The following DNAH11 variants were observed in gnomAD, a reference collection of about 807,000 sequenced individuals.
DNAH11 encodes dynein axonemal heavy chain 11.
Under a neutral mutation model 526.0 loss-of-function variants are expected in DNAH11, and 442 were observed. The ratio of observed to expected loss-of-function variants is 0.84; its 90% CI spans 0.78 to 0.91. The LOEUF is 0.91. DNAH11 is among the 40% of genes least tolerant of loss of function. DNAH11 has a pLI of 0.00. For synonymous variants in DNAH11, 2,461 were observed against 1,935.9 expected (o/e 1.27, Z -7.12); for missense variants, 6,989 against 5,448.7 (o/e 1.28, Z -8.90).
At chr7:21,770,102 T>C (rs1411970275) in intron 55 of DNAH11, among the ~76,000 whole-genome samples, 1 of 152,244 alleles carries the variant, frequency 6.6e-6, no homozygotes, top group Non-Finnish European at 1.5e-5. Context: ...GCAGTAATCT[T>C]ACTGCAACTG....
Position 21,704,435 on chromosome 7 carries a change from T to C in DNAH11, c.6275T>C (p.Val2092Ala). 3 of 1,611,652 alleles carry C rather than the reference T, an allele frequency of 1.9e-6. No individual in the cohort carries two copies. The highest frequency in any genetic ancestry group is 1.7e-4 in the Middle Eastern group (1 of 6,054). Residue 2092 changes from valine (V) to alanine (A), a missense_variant and splice_region_variant, in exon 38 of 82, where the codon GTA becomes GCA. By Grantham distance (64) the Val-to-Ala change is moderately conservative. Coordinates refer to ENST00000409508, the MANE Select transcript of DNAH11 (RefSeq NM_001277115.2). ...TTTATAAAATGTTTTTTTTTCTAGG[T>C]ACTCATGAGAGCATTAAGGGATTTC... is the stretch of plus-strand genomic sequence containing the variant. ...RGDKNRPEDQ[V>A]LMRALRDFNM... is the part of the protein sequence containing the mutation.
chr7:21,876,428 A>G (rs1427475324), intron 74 of DNAH11, among the ~76,000 whole-genome samples: 2 of 152,270 alleles, frequency 1.3e-5, no homozygotes, highest in African/African-American at 2.4e-5. Flanking sequence ...ATCAGATTAT[A>G]TAATTCAAGG....
intron 20 of DNAH11, among the ~76,000 whole-genome samples, chr7:21,609,408 C>T (rs1164478880): frequency 6.6e-6 from 1 of 152,048 alleles, no homozygotes; most frequent in Non-Finnish European, 1.5e-5. Flanking sequence ...TTAGTAGAGA[C>T]AGGGTTTCGC....
chr7:21,778,808 T>C (rs1787798614), intron 56 of DNAH11, 150 bp from the exon 57 acceptor site: 3 of 819,406 alleles, frequency 3.7e-6, no homozygotes, highest in Non-Finnish European at 5.4e-6. Flanking sequence ...GGCTGCATTT[T>C]TGCAAATCAG....
At chr7:21,770,767 A>G (rs1049664110) in intron 55 of DNAH11, among the ~76,000 whole-genome samples, 15 of 152,326 alleles carry the variant, frequency 9.8e-5, no homozygotes, top group Middle Eastern at 3.4e-3. Flanking sequence ...ACAGGAGGGT[A>G]TGCAGTATCT....
At chr7:21,813,125 C>G (rs1213052979) in intron 63 of DNAH11, among the ~76,000 whole-genome samples, 1 of 152,076 alleles carries the variant, frequency 6.6e-6, no homozygotes, top group Admixed American at 6.5e-5. Context: ...CATACATGGC[C>G]TTGAGGGTTC....
At chr7:21,694,700 C>T (rs1420462760) in intron 35 of DNAH11, among the ~76,000 whole-genome samples, 4 of 152,026 alleles carry the variant, frequency 2.6e-5, no homozygotes, top group African/African-American at 7.3e-5. Context: ...TTTATAATCC[C>T]TTGGATATAT....
intron 76 of DNAH11, among the ~76,000 whole-genome samples, chr7:21,891,757 C>A (rs1049748922): frequency 6.6e-6 from 1 of 152,048 alleles, no homozygotes; most frequent in African/African-American, 2.4e-5. Flanking sequence ...GTCTGTGGAT[C>A]CTAAACAACA....
chr7:21,548,870 A>G (rs1227248754), intron 2 of DNAH11, among the ~76,000 whole-genome samples: 1 of 151,764 alleles, frequency 6.6e-6, no homozygotes, highest in African/African-American at 2.4e-5. Context: ...AATGTGGGAA[A>G]GAGCAATGAC....
At chr7:21,549,578 A>G (rs1782943064) in intron 2 of DNAH11, among the ~76,000 whole-genome samples, 1 of 152,046 alleles carries the variant, frequency 6.6e-6, no homozygotes, top group Non-Finnish European at 1.5e-5. Flanking sequence ...AACCCATATA[A>G]CCGAGATGCT....
At chr7:21,691,138 T>C (rs1312431288) in intron 35 of DNAH11, among the ~76,000 whole-genome samples, 1 of 151,588 alleles carries the variant, frequency 6.6e-6, no homozygotes, top group Non-Finnish European at 1.5e-5. Flanking sequence ...TTGTAATGCA[T>C]ATTTTTATTA....
intron 73 of DNAH11, among the ~76,000 whole-genome samples, chr7:21,872,123 C>CGAAAAAAAAAAAA: frequency 9.7e-5 from 3 of 30,822 alleles, no homozygotes; most frequent in South Asian, 2.2e-3. Flanking sequence ...GACTCTGTCT[C>CGAAAAAAAAAAAA]AAAAAAAAAA....
rs149012147 is a variant in DNAH11, at chr7:21,759,177, A to G, written c.8941-6251A>G. On this transcript the variant is annotated intron_variant, in intron 54 of 81. Coordinates refer to ENST00000409508, the MANE Select transcript of DNAH11 (RefSeq NM_001277115.2). ...CTCAGGAATAGGTTTGCTCTTTGCTATCTATTGGGATTCCACACACAATTT... is the reference window on the plus strand; with the variant it reads ...CTCAGGAATAGGTTTGCTCTTTGCTGTCTATTGGGATTCCACACACAATTT... 1.0e-3 allele frequency among the ~76,000 whole-genome samples: 158 copies of G among 152,266 alleles called. 1 individual carries two copies. Among genetic ancestry groups the G allele is most frequent in the African/African-American group, 3.7e-3 (152 of 41,552 alleles).
Position 21,601,120 on chromosome 7 carries a change from C to T in DNAH11, c.3366C>T (p.Thr1122=), listed in dbSNP as rs1785067822. The T allele has an allele frequency of 1.2e-6, 2 of 1,610,384 alleles. No homozygotes were observed. The highest frequency in any genetic ancestry group is 2.2e-5 in the South Asian group (2 of 89,478). ...AGCCTTTCAAAGTGAGCTTGTTAAC[C>T]ATAATTAAGAAATGGAGCTGGATGT... ...DMKPFKVSLL[T]IIKKWSWMFQ... Residue 1122 remains threonine (T), a synonymous_variant, in exon 17 of 82, where the codon ACC becomes ACT. Transcript: ENST00000409508.
intron 42 of DNAH11, among the ~76,000 whole-genome samples, chr7:21,712,153 G>T (rs1583618163): frequency 3.9e-5 from 6 of 152,120 alleles, no homozygotes; most frequent in Admixed American, 3.9e-4. Flanking sequence ...TTAGTGACAG[G>T]TTTATTTCAC....
intron 63 of DNAH11, among the ~76,000 whole-genome samples, chr7:21,809,269 A>C (rs1400584698): frequency 6.6e-6 from 1 of 152,078 alleles, no homozygotes; most frequent in Non-Finnish European, 1.5e-5. Context: ...TGAGTTCCTT[A>C]TGTATTCTGG....
intron 63 of DNAH11, among the ~76,000 whole-genome samples, chr7:21,811,501 C>T (rs1358849487): frequency 2.6e-5 from 4 of 151,326 alleles, no homozygotes; most frequent in Admixed American, 6.6e-5. Flanking sequence ...TCAAACTTTA[C>T]GAGGGACCTA....
Position 21,690,806 on chromosome 7 carries a change from T to C in DNAH11, c.5966T>C (p.Val1989Ala), listed in dbSNP as rs1182022059. ...GAAGCTATCACACTGAAGCCATCAG[T>C]TGGAATATTTATTACTATGAACCCG... ...LGEAITLKPS[V>A]GIFITMNPGY... is the part of the protein sequence containing the mutation. Residue 1989 changes from valine to alanine, a missense_variant, in exon 35 of 82, where the codon GTT becomes GCT. Val to Ala is a moderately conservative substitution (Grantham distance 64). Coordinates refer to ENST00000409508, the MANE Select transcript of DNAH11 (RefSeq NM_001277115.2). 3.1e-6 allele frequency: 5 copies of C among 1,611,356 alleles called. No homozygotes were observed. The highest frequency in any genetic ancestry group is 1.7e-4 in the Middle Eastern group (1 of 6,060).
rs1016793488 is a variant in DNAH11 at position 21,731,619 on chromosome 7, T to G, written c.7441-4021T>G. 1.3e-4 allele frequency among the ~76,000 whole-genome samples: 20 copies of G among 152,210 alleles called. 1 individual carries two copies. Among genetic ancestry groups the G allele is most frequent in the African/African-American group, 4.8e-4 (20 of 41,452 alleles). On this transcript the variant is annotated intron_variant, in intron 45 of 81. Coordinates refer to ENST00000409508, the MANE Select transcript of DNAH11 (RefSeq NM_001277115.2). ...CAAACAAAAAAGCAAACCTGTACAG[T>G]AGTCCCTCACTTATCCATGGCTTTG... is the stretch of plus-strand genomic sequence containing the variant.
Sources: gnomAD v4.1 joint callset for allele counts (sites outside exome capture counted in the v4.1 genomes callset) on GRCh38, gnomAD v4.1.1 for gene constraint, MANE v1.5 for transcripts, NCBI Gene and HGNC (gene_info 2026-07-23, HGNC 2026-07-21) for gene names.